Variants in FBXW7 observed in about 807,000 individuals in gnomAD.
FBXW7 encodes the protein F-box/WD repeat-containing protein 7.
A neutral mutation model predicts 86.3 loss-of-function variants in FBXW7; 11 were observed. The ratio of observed to expected loss-of-function variants is 0.13; its 90% CI spans 0.08 to 0.21. FBXW7 has a LOEUF of 0.21. FBXW7 is among the 10% of genes least tolerant of loss of function. The pLI is 1.00. For missense variants in FBXW7, 488 were observed against 847.4 expected (o/e 0.58, Z 5.27); for synonymous variants, 313 against 297.9 (o/e 1.05, Z -0.52).
At chr4:152,521,057 T>C (rs957307379) in intron 2 of FBXW7, among the ~76,000 whole-genome samples, 3 of 152,184 alleles carry the variant, frequency 2.0e-5, no homozygotes, top group African/African-American at 4.8e-5. Flanking sequence ...TTCCAGTTTT[T>C]TGTCTCTCCC....
At chr4:152,429,273 G>C (rs1383758440) in intron 2 of FBXW7, among the ~76,000 whole-genome samples, 1 of 151,784 alleles carries the variant, frequency 6.6e-6, no homozygotes, top group African/African-American at 2.4e-5. Context: ...GTGAGGTGCT[G>C]GTACAAATTA....
intron 4 of FBXW7, among the ~76,000 whole-genome samples, chr4:152,388,359 T>G (rs902128606): frequency 1.3e-4 from 20 of 152,160 alleles, no homozygotes; most frequent in Admixed American, 1.3e-3. Flanking sequence ...TGTGACCTGA[T>G]AATTGGACAT....
At chr4:152,459,746 T>C (rs1052878625) in intron 2 of FBXW7, among the ~76,000 whole-genome samples, 4 of 152,122 alleles carry the variant, frequency 2.6e-5, no homozygotes, top group Non-Finnish European at 5.9e-5. Flanking sequence ...TTGGGCAAAG[T>C]AAAAGATTAA....
At chr4:152,457,522 T>TA (rs1208690405) in intron 2 of FBXW7, among the ~76,000 whole-genome samples, 1 of 151,652 alleles carries the variant, frequency 6.6e-6, no homozygotes, top group Non-Finnish European at 1.5e-5. Context: ...CAGGCGCCTG[T>TA]AGTCCCAGCT....
chr4:152,379,709 T>C (rs1292241855), intron 4 of FBXW7, among the ~76,000 whole-genome samples: 2 of 152,142 alleles, frequency 1.3e-5, no homozygotes, highest in Non-Finnish European at 2.9e-5. Context: ...TGAAGGTAAA[T>C]GATTAATAGC....
At chr4:152,362,974 C>T (rs1437799491) in intron 4 of FBXW7, among the ~76,000 whole-genome samples, 3 of 152,000 alleles carry the variant, frequency 2.0e-5, no homozygotes, top group Non-Finnish European at 4.4e-5. Flanking sequence ...AGTCACCTGA[C>T]TTTTATTAAA....
intron 4 of FBXW7, chr4:152,382,271 T>C: frequency 1.2e-6 from 2 of 1,605,242 alleles, no homozygotes; most frequent in Non-Finnish European, 1.7e-6. Context: ...TAGAGGCTCT[T>C]TTGCACTTTT....
chr4:152,504,151 A>G (rs1054883751), intron 2 of FBXW7, among the ~76,000 whole-genome samples: 5 of 152,206 alleles, frequency 3.3e-5, no homozygotes, highest in African/African-American at 1.2e-4. Context: ...CTTAACTTGA[A>G]GCACCAAAGA....
At chr4:152,464,860 T>C (rs1443536092) in intron 2 of FBXW7, among the ~76,000 whole-genome samples, 1 of 152,236 alleles carries the variant, frequency 6.6e-6, no homozygotes, top group Admixed American at 6.5e-5. Flanking sequence ...TCTGCAATGA[T>C]GTGATTACTG....
chr4:152,466,622 T>C (rs965657624), intron 2 of FBXW7, among the ~76,000 whole-genome samples: 1 of 151,950 alleles, frequency 6.6e-6, no homozygotes, highest in Non-Finnish European at 1.5e-5. Flanking sequence ...TACATAAGTT[T>C]ACAAAAACAC....
At chr4:152,347,619 TTTGGTCTGAATAG>T (rs1050482446) in intron 5 of FBXW7, among the ~76,000 whole-genome samples, 5 of 152,168 alleles carry the variant, frequency 3.3e-5, no homozygotes, top group Admixed American at 3.3e-4. Context: ...ATTTATAAAG[TTTGGTCTGAATAG>T]TTGACAGGAC....
intron 4 of FBXW7, among the ~76,000 whole-genome samples, chr4:152,370,126 G>A (rs1733879779): frequency 6.6e-6 from 1 of 151,932 alleles, no homozygotes; most frequent in Middle Eastern, 3.2e-3. Context: ...AAAATCTAAA[G>A]TGATAACGCA....
At chr4:152,522,485 C>T (rs1259527039) in intron 2 of FBXW7, among the ~76,000 whole-genome samples, 2 of 152,178 alleles carry the variant, frequency 1.3e-5, no homozygotes, top group African/African-American at 4.8e-5. Context: ...ATCTAACTGG[C>T]AAAGTACCTT....
At chr4:152,467,045 A>C (rs1743519703) in intron 2 of FBXW7, among the ~76,000 whole-genome samples, 1 of 152,210 alleles carries the variant, frequency 6.6e-6, no homozygotes, top group Non-Finnish European at 1.5e-5. Flanking sequence ...CCTTAGTCTA[A>C]AAAGCAATGG....
At chr4:152,467,406 TC>T (rs1743554028) in intron 2 of FBXW7, among the ~76,000 whole-genome samples, 1 of 152,196 alleles carries the variant, frequency 6.6e-6, no homozygotes, top group African/African-American at 2.4e-5. Flanking sequence ...TAAGCCTCTT[TC>T]CTTTATAAAC....
chr4:152,381,380 G>C (rs1012148301), intron 4 of FBXW7, among the ~76,000 whole-genome samples: 4 of 152,164 alleles, frequency 2.6e-5, no homozygotes, highest in African/African-American at 9.6e-5. Flanking sequence ...TAACAGTGTT[G>C]ATATACACAA....
intron 2 of FBXW7, among the ~76,000 whole-genome samples, chr4:152,486,085 A>G (rs1205956647): frequency 6.6e-6 from 1 of 152,152 alleles, no homozygotes; most frequent in African/African-American, 2.4e-5. Flanking sequence ...GAATATCTAG[A>G]CATAGAAAAG....
intron 2 of FBXW7, among the ~76,000 whole-genome samples, chr4:152,515,782 C>T (rs1318699646): frequency 1.4e-5 from 2 of 146,164 alleles, no homozygotes; most frequent in Non-Finnish European, 3.0e-5. Context: ...AAGGCACTGT[C>T]CAAGCAATAA....
intron 4 of FBXW7, among the ~76,000 whole-genome samples, chr4:152,402,049 C>T (rs969236326): frequency 1.3e-5 from 2 of 152,114 alleles, no homozygotes; most frequent in African/African-American, 2.4e-5. Flanking sequence ...GTTAATGGGT[C>T]ATGTTTCAGT....
Sources: gnomAD v4.1 joint callset for allele counts (sites outside exome capture counted in the v4.1 genomes callset) on GRCh38, gnomAD v4.1.1 for gene constraint, MANE v1.5 for transcripts, NCBI Gene and HGNC (gene_info 2026-07-23, HGNC 2026-07-21) for gene names.